NRG1: variants seen among roughly 807,000 people sequenced by gnomAD.
The protein encoded by NRG1 is neuregulin 1.
NRG1 carries 18 observed loss-of-function variants against 63.8 expected under a neutral mutation model. The ratio of observed to expected loss-of-function variants is 0.28; its 90% CI spans 0.19 to 0.42. NRG1 has a LOEUF of 0.42. Ranked by LOEUF, NRG1 falls within the 10% of genes least tolerant of loss-of-function variation. NRG1 has a pLI of 1.00. For missense variants in NRG1, 762 were observed against 814.7 expected, an observed-to-expected ratio of 0.94 and a Z score of 0.79; for synonymous variants, 302 against 301.3, an observed-to-expected ratio of 1.00 and a Z score of -0.02.
At chr8:32,196,738 A>T (rs1037481265) in intron 1 of NRG1, among the ~76,000 whole-genome samples, 1 of 152,094 alleles carries the variant, frequency 6.6e-6, no homozygotes, top group East Asian at 1.9e-4. Flanking sequence ...AAATAAAGCC[A>T]GGGTTGTTAA....
chr8:31,640,365 G>T lies in NRG1; in HGVS notation c.37+934G>T. 1.6e-6 allele frequency: 2 copies of T among 1,251,604 alleles called. No individual in the cohort carries two copies. The highest frequency in any genetic ancestry group is 3.1e-5 in the South Asian group (1 of 32,022). The allele number at this position is 1,251,604 out of a possible 1,614,324, so 77.5% of individuals were successfully genotyped here. ...CCGCGGGCCCACGGGCGCTGGGGCC[G>T]CCCGCCGAGGAGCCGCTGCTCGCCG... On this transcript the variant is annotated intron_variant, in intron 1 of 10. Transcript: ENST00000519301. The surrounding 1 kb of genome is among the most constrained non-coding windows in gnomAD (Gnocchi z 6.3).
intron 1 of NRG1, among the ~76,000 whole-genome samples, chr8:32,231,033 C>G (rs1455555976): frequency 6.6e-6 from 1 of 152,094 alleles, no homozygotes; most frequent in Non-Finnish European, 1.5e-5. Context: ...TGCTGGCTAT[C>G]CTTCCTAGCC....
intron 1 of NRG1, among the ~76,000 whole-genome samples, chr8:32,446,354 A>G (rs151065998): frequency 1.1e-4 from 16 of 152,266 alleles, no homozygotes; most frequent in African/African-American, 3.6e-4. Flanking sequence ...ATAAGAGTTT[A>G]TAGAAAGACT....
intron 6 of NRG1, chr8:32,728,614 A>C: frequency 1.0e-6 from 1 of 984,402 alleles, no homozygotes; most frequent in Non-Finnish European, 1.2e-6. Context: ...TTATATTGCT[A>C]GTAAAAAAAG....
chr8:32,587,470 A>G (rs1465234834), intron 1 of NRG1, among the ~76,000 whole-genome samples: 1 of 152,168 alleles, frequency 6.6e-6, no homozygotes. Flanking sequence ...TTAGATTTAC[A>G]TGTCATTTTT....
At chr8:31,879,894 C>A (rs1268508946) in intron 1 of NRG1, among the ~76,000 whole-genome samples, 1 of 152,126 alleles carries the variant, frequency 6.6e-6, no homozygotes, top group African/African-American at 2.4e-5. Flanking sequence ...TGATTGTGTT[C>A]TTTTTTATGG....
At chr8:32,125,618 C>T (rs779067204) in intron 1 of NRG1, among the ~76,000 whole-genome samples, 1 of 151,904 alleles carries the variant, frequency 6.6e-6, no homozygotes, top group African/African-American at 2.4e-5. Context: ...AATCCAGCCT[C>T]TCTGCTTCTA....
chr8:32,048,309 ATATG>A (rs1821354451), intron 1 of NRG1, among the ~76,000 whole-genome samples: 1 of 149,942 alleles, frequency 6.7e-6, no homozygotes, highest in African/African-American at 2.5e-5. Flanking sequence ...ATTCATACAT[ATATG>A]TATGTATATA....
rs920857055 is a variant in NRG1, at chr8:32,740,720, A to G, written c.633-1955A>G. 2.1e-4 allele frequency among the ~76,000 whole-genome samples: 32 copies of G among 152,192 alleles called. 1 individual carries two copies. The highest frequency in any genetic ancestry group is 7.3e-5 in the Non-Finnish European group (5 of 68,036). ...ATTTTATCGCGCAGGCTATTTTCAT[A>G]AAGTAGGAGAATTACATATACCAAG... On this transcript the variant is annotated intron_variant, in intron 6 of 11. Coordinates refer to ENST00000356819, the Ensembl canonical transcript of NRG1.
At chr8:32,518,200 G>T (rs1359357156) in intron 1 of NRG1, among the ~76,000 whole-genome samples, 2 of 151,994 alleles carry the variant, frequency 1.3e-5, no homozygotes, top group African/African-American at 4.8e-5. Flanking sequence ...GAACATCCTT[G>T]CAATTCAAAG....
chr8:31,709,482 A>C, intron 1 of NRG1, among the ~76,000 whole-genome samples: 1 of 152,022 alleles, frequency 6.6e-6, no homozygotes, highest in Non-Finnish European at 1.5e-5. Context: ...AGGAAAGAAT[A>C]ATTTTTTAAA....
intron 1 of NRG1, among the ~76,000 whole-genome samples, chr8:32,015,367 T>C (rs988343950): frequency 6.6e-6 from 1 of 152,166 alleles, no homozygotes; most frequent in African/African-American, 2.4e-5. Flanking sequence ...CTTAGTTTCC[T>C]GGAAACCAAA....
intron 1 of NRG1, among the ~76,000 whole-genome samples, chr8:32,375,280 A>T (rs1398432450): frequency 1.3e-5 from 2 of 152,236 alleles, no homozygotes; most frequent in East Asian, 3.9e-4. Flanking sequence ...GCCCAGCCTC[A>T]TCAGCATTTT....
intron 5 of NRG1, among the ~76,000 whole-genome samples, chr8:32,708,702 C>T (rs1817049348): frequency 6.6e-6 from 1 of 152,178 alleles, no homozygotes. Context: ...TATTTTTGCC[C>T]TGGCATGTTG....
chr8:32,061,283 A>C (rs1823810091), intron 1 of NRG1, among the ~76,000 whole-genome samples: 1 of 151,968 alleles, frequency 6.6e-6, no homozygotes, highest in Non-Finnish European at 1.5e-5. Context: ...CCTTTAAAGC[A>C]CCAGACCAGT....
chr8:31,899,775 C>A (rs943667267), intron 1 of NRG1, among the ~76,000 whole-genome samples: 1 of 152,106 alleles, frequency 6.6e-6, no homozygotes, highest in Non-Finnish European at 1.5e-5. Context: ...CATACACACA[C>A]TCAATAAAAT....
chr8:31,984,464 T>A (rs1216102765), intron 1 of NRG1, among the ~76,000 whole-genome samples: 1 of 152,074 alleles, frequency 6.6e-6, no homozygotes, highest in Non-Finnish European at 1.5e-5. Flanking sequence ...CCTAAGACAT[T>A]TGGAACTTAT....
At chr8:32,065,063 T>C (rs1371018330) in intron 1 of NRG1, among the ~76,000 whole-genome samples, 4 of 152,006 alleles carry the variant, frequency 2.6e-5, no homozygotes, top group African/African-American at 9.7e-5. Flanking sequence ...GAGTTTCTTA[T>C]ATTTAAAAAA....
At chr8:32,589,154 A>T (rs1842117150) in intron 1 of NRG1, among the ~76,000 whole-genome samples, 2 of 152,302 alleles carry the variant, frequency 1.3e-5, no homozygotes, top group South Asian at 2.1e-4. Flanking sequence ...GATAAGACAA[A>T]CTTTCCCTTT....
Sources: allele counts gnomAD v4.1 joint callset (sites outside exome capture counted in the v4.1 genomes callset), GRCh38; gene constraint gnomAD v4.1.1; non-coding constraint Gnocchi (gnomAD v3.1); transcripts MANE v1.5; gene names NCBI Gene and HGNC (gene_info 2026-07-23, HGNC 2026-07-21).